Variants in TANK observed in about 807,000 individuals in gnomAD.
TANK encodes the protein TRAF family member-associated NF-kappa-B activator.
TANK carries 15 observed loss-of-function variants against 43.6 expected under a neutral mutation model. That is an observed-to-expected ratio of 0.34 (90% CI 0.23 to 0.53). The LOEUF (loss-of-function observed/expected upper bound fraction) is 0.53, where lower values mean the gene tolerates loss of function less well. Ranked by LOEUF, TANK falls within the 20% of genes least tolerant of loss-of-function variation. The pLI, the probability that TANK is intolerant of heterozygous loss-of-function variation, is 0.94. For missense variants in TANK, 417 were observed against 498.6 expected (o/e 0.84, Z 1.56); for synonymous variants, 162 against 178.2 (o/e 0.91, Z 0.73).
chr2:161,158,371 A>G (rs1344582195), upstream of TANK, among the ~76,000 whole-genome samples: 1 of 152,254 alleles, frequency 6.6e-6, no homozygotes, highest in Non-Finnish European at 1.5e-5. Flanking sequence ...ATTCTTAAAA[A>G]ATCATCATTA....
At position 161,204,773 on chromosome 2, in the gene TANK, G is replaced by A; in HGVS notation, c.307G>A (p.Ala103Thr). ...ACAAGATAAAGTGATTTCAGGAATAGCAAGAGAAAAACTACCAAAGGTAGA... is the reference window on the plus strand; with the variant it reads ...ACAAGATAAAGTGATTTCAGGAATAACAAGAGAAAAACTACCAAAGGTAGA... Reference protein sequence around the residue: ...QPQDKVISGIAREKLPKVRRQ... With the variant: ...QPQDKVISGITREKLPKVRRQ... The change falls in exon 4 of 8, where the codon GCA becomes ACA. Residue 103 changes from alanine (A) to threonine (T), a missense_variant. Ala to Thr is a moderately conservative substitution (Grantham distance 58). Transcript: ENST00000392749. The A allele has an allele frequency of 5.0e-6, 8 of 1,605,544 alleles. No homozygotes were observed. The highest frequency in any genetic ancestry group is 6.8e-6 in the Non-Finnish European group (8 of 1,177,526).
In TANK at chr2:161,185,195, A is replaced by G. The variant is rs575890591; in HGVS notation, c.99+5434A>G. ...GTAAGAAACAAATTATAGAAAAAGA[A>G]TGTAGTATCATAGAAGGCATTAGAA... On this transcript the variant is annotated intron_variant, in intron 2 of 7. Transcript: ENST00000392749. Among the ~76,000 whole-genome samples the G allele has an allele frequency of 1.2e-4, 19 of 152,302 alleles. No individual in the cohort carries two copies. In the South Asian group the frequency reaches 2.9e-3, roughly 23 times the overall value.
chr2:161,174,750 C>G (rs1685103971), intron 1 of TANK, among the ~76,000 whole-genome samples: 1 of 152,114 alleles, frequency 6.6e-6, no homozygotes, highest in Admixed American at 6.5e-5. Flanking sequence ...TTAGCGTAAT[C>G]CGTCATGTTT....
intron 4 of TANK, chr2:161,212,865 C>A (rs1368064374): frequency 2.7e-6 from 2 of 754,526 alleles, no homozygotes; most frequent in Non-Finnish European, 3.2e-6. Context: ...ATACCTGAGG[C>A]TGGGGATTTA....
chr2:161,159,736 C>G (rs1684322918), upstream of TANK, among the ~76,000 whole-genome samples: 1 of 152,180 alleles, frequency 6.6e-6, no homozygotes, highest in Non-Finnish European at 1.5e-5. Context: ...CTTGCGGTAT[C>G]TAAGATATGA....
rs144541604 is a variant in TANK, at chr2:161,211,637, C to T, written c.327+6844C>T. On this transcript the variant is annotated intron_variant, in intron 4 of 7. Coordinates refer to ENST00000392749, the MANE Select transcript of TANK (RefSeq NM_001199135.3). ...CATAGCACCTCTTCTAAAAGAGGAACTTGAAATAAATGTAATTGCATGTGT... is the reference window on the plus strand; with the variant it reads ...CATAGCACCTCTTCTAAAAGAGGAATTTGAAATAAATGTAATTGCATGTGT... 2.9e-5 allele frequency: 10 copies of T among 349,358 alleles called. 1 individual carries two copies. The East Asian group carries it at 1.5e-3, about 52-fold the overall frequency. 21.6% of individuals were successfully genotyped at this position (349,358 alleles called of 1,614,324 possible).
chr2:161,178,548 G>A (rs1685274540), intron 1 of TANK, among the ~76,000 whole-genome samples: 1 of 151,930 alleles, frequency 6.6e-6, no homozygotes, highest in South Asian at 2.1e-4. Flanking sequence ...ACTGTTTTAG[G>A]GAGGGTGATT....
At chr2:161,176,878 TGATA>T (rs1685195623) in intron 1 of TANK, among the ~76,000 whole-genome samples, 1 of 152,144 alleles carries the variant, frequency 6.6e-6, no homozygotes. Context: ...TTTAAGGCAG[TGATA>T]GATAGCTTAG....
rs1211392514 is a variant in TANK at position 161,204,775 on chromosome 2, A to G, written c.309A>G (p.Ala103=). 1 of 1,606,506 alleles carries G rather than the reference A, an allele frequency of 6.2e-7. No homozygotes were observed. The highest frequency in any genetic ancestry group is 8.5e-7 in the Non-Finnish European group (1 of 1,177,906). The change falls in exon 4 of 8, where the codon GCA becomes GCG. Residue 103 remains alanine (A), a synonymous_variant. Transcript: ENST00000392749. ...QPQDKVISGI[A]REKLPKVRRQ... ...AAGATAAAGTGATTTCAGGAATAGCAAGAGAAAAACTACCAAAGGTAGACA... is the reference window on the plus strand; with the variant it reads ...AAGATAAAGTGATTTCAGGAATAGCGAGAGAAAAACTACCAAAGGTAGACA...
chr2:161,180,474 T>G (rs1318004210), intron 2 of TANK, among the ~76,000 whole-genome samples: 1 of 152,182 alleles, frequency 6.6e-6, no homozygotes, highest in Non-Finnish European at 1.5e-5. Flanking sequence ...TTATTAAACT[T>G]CTCATAATGC....
At chr2:161,205,881 G>A (rs1686630150) in intron 4 of TANK, among the ~76,000 whole-genome samples, 1 of 152,162 alleles carries the variant, frequency 6.6e-6, no homozygotes, top group East Asian at 1.9e-4. Flanking sequence ...TCTGCTCACT[G>A]CAACCTCCAC....
Position 161,211,546 on chromosome 2 carries a change from G to A in TANK, c.327+6753G>A, listed in dbSNP as rs556300062. On this transcript the variant is annotated intron_variant, in intron 4 of 7. Coordinates refer to ENST00000392749, the MANE Select transcript of TANK (RefSeq NM_001199135.3). Reference sequence around the variant, plus strand: ...ACAAAAGCTAAAAATTAGGCCGTTAGTCAACATATTTAGCTACTAAGTGAT... The same window carrying A: ...ACAAAAGCTAAAAATTAGGCCGTTAATCAACATATTTAGCTACTAAGTGAT... Among the ~76,000 whole-genome samples, 4 of 152,296 alleles carry A rather than the reference G, an allele frequency of 2.6e-5. No individual in the cohort carries two copies. The East Asian group carries it at 7.7e-4, about 29-fold the overall frequency.
chr2:161,231,464 T>C lies in TANK; in HGVS notation c.1014T>C (p.Tyr338=), dbSNP rs565630726. ...CLPPGDHNAL[Y]VNSFPLLDPS... is the part of the protein sequence containing the mutation. Reference sequence around the variant, plus strand: ...CACCTGGAGACCATAATGCATTATATGTAAATAGCTTCCCACTTCTGGACC... The same window carrying C: ...CACCTGGAGACCATAATGCATTATACGTAAATAGCTTCCCACTTCTGGACC... Residue 338 remains tyrosine, a synonymous_variant, in exon 7 of 8, where the codon TAT becomes TAC. Transcript: ENST00000392749. 30 of 1,614,136 alleles carry C rather than the reference T, an allele frequency of 1.9e-5. No homozygotes were observed. Among genetic ancestry groups the C allele is most frequent in the Middle Eastern group, 3.3e-4 (2 of 6,062 alleles).
chr2:161,219,764 C>T (rs763613810), intron 4 of TANK: 7 of 463,614 alleles, frequency 1.5e-5, no homozygotes, highest in Non-Finnish European at 3.1e-5. Flanking sequence ...TCTTTTGTCT[C>T]AGTATATGTA....
rs367890319 is a variant in TANK at position 161,167,926 on chromosome 2, A to T, written c.-50+7440A>T. 4.1e-4 allele frequency among the ~76,000 whole-genome samples: 62 copies of T among 152,226 alleles called. No individual in the cohort carries two copies. In the East Asian group the frequency reaches 4.8e-3, roughly 12 times the overall value. ...AGTGTGAGCCACCGTGCCTGGCCGC[A>T]ACCAGGTTTTTAAAGGCAAAAGAGA... On this transcript the variant is annotated intron_variant, in intron 1 of 7. Coordinates refer to ENST00000392749, the MANE Select transcript of TANK (RefSeq NM_001199135.3).
chr2:161,232,932 G>T (rs772266255), intron 7 of TANK: 5 of 1,387,412 alleles, frequency 3.6e-6, no homozygotes, highest in East Asian at 5.0e-5. Context: ...AAAAAGCAAA[G>T]AAATTAGTTT....
intron 2 of TANK, among the ~76,000 whole-genome samples, chr2:161,180,516 A>G (rs1054924655): frequency 2.0e-5 from 3 of 152,178 alleles, no homozygotes; most frequent in African/African-American, 7.2e-5. Context: ...TCTGCCTTCT[A>G]TTCTGATGTT....
chr2:161,154,772 TCTC>T (rs1684178275), intron 1 of TANK, among the ~76,000 whole-genome samples: 1 of 150,746 alleles, frequency 6.6e-6, no homozygotes, highest in Admixed American at 6.6e-5. Flanking sequence ...TGAGACAGAG[TCTC>T]ACTCTGTTGC....
chr2:161,202,182 CT>C (rs35913723), intron 2 of TANK, among the ~76,000 whole-genome samples: 5,397 of 78,208 alleles, frequency 0.069, 27 homozygotes, highest in East Asian at 0.11. Flanking sequence ...GCTCTAATTT[CT>C]TTTTTTTTTT....
Sources: gnomAD v4.1 joint callset for allele counts (sites outside exome capture counted in the v4.1 genomes callset) on GRCh38, gnomAD v4.1.1 for gene constraint, MANE v1.5 for transcripts, NCBI Gene and HGNC (gene_info 2026-07-23, HGNC 2026-07-21) for gene names.